ATP8A1: variants seen among roughly 807,000 people sequenced by gnomAD.
ATP8A1 encodes the protein phospholipid-transporting ATPase IA.
Under a neutral mutation model 177.7 loss-of-function variants are expected in ATP8A1, and 90 were observed. That is an observed-to-expected ratio of 0.51 (90% CI 0.43 to 0.60). The LOEUF (loss-of-function observed/expected upper bound fraction) is 0.60, where lower values mean the gene tolerates loss of function less well. Among genes scored for constraint, ATP8A1 ranks in the 20% least tolerant of loss-of-function variants. The pLI, the probability that ATP8A1 is intolerant of heterozygous loss-of-function variation, is 0.00. For missense variants in ATP8A1, 1,072 were observed against 1,392.8 expected (o/e 0.77, Z 3.67); for synonymous variants, 493 against 485.9 (o/e 1.01, Z -0.19).
At chr4:42,444,761 G>T in intron 31 of ATP8A1, 127 bp from the exon 32 acceptor site, 1 of 935,326 alleles carries the variant, frequency 1.1e-6, no homozygotes, top group Non-Finnish European at 1.6e-6. Context: ...TGCTTGCTTT[G>T]TATATCCAAC....
intron 1 of ATP8A1, among the ~76,000 whole-genome samples, chr4:42,639,477 C>A (rs1029434612): frequency 6.6e-6 from 1 of 152,098 alleles, no homozygotes. Flanking sequence ...CTTCAATCGT[C>A]TATCAAGGAT....
rs1166118745 is a variant in ATP8A1, at chr4:42,588,181, C to T, written c.594+79G>A. ...TGCAATAGGACAGATTAGTTCAAGA[C>T]AATAACACAAAGAAAGAAGCTCTTA... On this transcript the variant is annotated intron_variant, in intron 8 of 36. Coordinates refer to ENST00000381668, the MANE Select transcript of ATP8A1 (RefSeq NM_006095.2). 10 of 1,255,322 alleles carry T rather than the reference C, an allele frequency of 8.0e-6. No individual in the cohort carries two copies. In the Middle Eastern group the frequency reaches 5.7e-4, roughly 72 times the overall value. 77.8% of individuals were successfully genotyped at this position (1,255,322 alleles called of 1,614,324 possible).
intron 22 of ATP8A1, among the ~76,000 whole-genome samples, 179 bp downstream of exon 22, chr4:42,521,981 G>A (rs1324697767): frequency 6.6e-6 from 1 of 152,098 alleles, no homozygotes; most frequent in Non-Finnish European, 1.5e-5. Flanking sequence ...AACCCCAAAG[G>A]CTTCTCAGCA....
chr4:42,525,709 T>C (rs1033478411), intron 20 of ATP8A1, among the ~76,000 whole-genome samples: 2 of 152,174 alleles, frequency 1.3e-5, no homozygotes, highest in African/African-American at 4.8e-5. Flanking sequence ...ACCTTCACGG[T>C]TTTATTAGAC....
chr4:42,520,543 G>C (rs1299349984), intron 22 of ATP8A1, among the ~76,000 whole-genome samples: 1 of 152,104 alleles, frequency 6.6e-6, no homozygotes, highest in Non-Finnish European at 1.5e-5. Context: ...AGGAAATGGA[G>C]AGCGAGAAGG....
intron 18 of ATP8A1, 112 bp from the exon 19 acceptor site, chr4:42,549,174 T>G: frequency 1.2e-6 from 1 of 802,660 alleles, no homozygotes; most frequent in Non-Finnish European, 2.0e-6. Context: ...CAAACAAATT[T>G]TCCCTGCTGA....
intron 33 of ATP8A1, among the ~76,000 whole-genome samples, chr4:42,442,613 A>C (rs1716753312): frequency 6.6e-6 from 1 of 152,238 alleles, no homozygotes; most frequent in South Asian, 2.1e-4. Context: ...TAATAAATTT[A>C]ACCACAAATT....
chr4:42,541,272 A>C (rs969601944), intron 20 of ATP8A1, among the ~76,000 whole-genome samples: 9 of 152,352 alleles, frequency 5.9e-5, no homozygotes, highest in Middle Eastern at 3.4e-3. Context: ...CATATGAAAA[A>C]ATGTTCAACA....
At chr4:42,559,129 C>A (rs568775212) in intron 15 of ATP8A1, among the ~76,000 whole-genome samples, 1 of 152,160 alleles carries the variant, frequency 6.6e-6, no homozygotes, top group South Asian at 2.1e-4. Context: ...GGGGCTGCAG[C>A]GAGCTATGAT....
intron 35 of ATP8A1, among the ~76,000 whole-genome samples, chr4:42,418,229 G>A (rs1713465705): frequency 6.6e-6 from 1 of 152,082 alleles, no homozygotes; most frequent in South Asian, 2.1e-4. Flanking sequence ...CCAAACGGTA[G>A]TGCCAGGCAA....
chr4:42,493,394 CA>C (rs994630679), intron 24 of ATP8A1, among the ~76,000 whole-genome samples: 6 of 152,038 alleles, frequency 3.9e-5, no homozygotes, highest in Non-Finnish European at 8.8e-5. Context: ...AAAAGTTAAA[CA>C]GGAAATAATA....
intron 22 of ATP8A1, among the ~76,000 whole-genome samples, chr4:42,510,653 G>A (rs1724911665): frequency 6.6e-6 from 1 of 151,788 alleles, no homozygotes; most frequent in South Asian, 2.1e-4. Flanking sequence ...GCCAAGATAC[G>A]AACACATTCA....
intron 6 of ATP8A1, among the ~76,000 whole-genome samples, chr4:42,596,613 G>A (rs1299510893): frequency 6.8e-6 from 1 of 147,918 alleles, no homozygotes; most frequent in Non-Finnish European, 1.5e-5. Flanking sequence ...GTTGCAGTGA[G>A]CCGAGATTGC....
chr4:42,451,381 G>C (rs901525527), intron 30 of ATP8A1, among the ~76,000 whole-genome samples: 50 of 152,178 alleles, frequency 3.3e-4, no homozygotes, highest in Non-Finnish European at 2.9e-5. Context: ...CTCCAAGACA[G>C]AGCAGCACCA....
intron 14 of ATP8A1, among the ~76,000 whole-genome samples, chr4:42,572,220 T>C (rs920977333): frequency 2.6e-5 from 4 of 152,214 alleles, no homozygotes; most frequent in African/African-American, 9.6e-5. Context: ...AAAGTGCTCA[T>C]ACATAATAGT....
At chr4:42,519,706 C>T (rs1725914114) in intron 22 of ATP8A1, among the ~76,000 whole-genome samples, 1 of 152,194 alleles carries the variant, frequency 6.6e-6, no homozygotes, top group Admixed American at 6.5e-5. Flanking sequence ...AATCAGTCTT[C>T]ATTTGGAGCA....
At chr4:42,461,784 C>T (rs531315747) in intron 27 of ATP8A1, among the ~76,000 whole-genome samples, 9 of 152,178 alleles carry the variant, frequency 5.9e-5, no homozygotes, top group East Asian at 5.8e-4. Context: ...GACAAGAAAA[C>T]GTGCGAAAGT....
intron 20 of ATP8A1, among the ~76,000 whole-genome samples, chr4:42,539,488 A>ATAG (rs879830004): frequency 6.6e-6 from 1 of 151,996 alleles, no homozygotes; most frequent in Non-Finnish European, 1.5e-5. Flanking sequence ...CAGAGCCCAA[A>ATAG]TAGCTAAAAT....
At chr4:42,600,581 G>A (rs1035706430) in intron 5 of ATP8A1, 63 bp from the exon 6 acceptor site, 1 of 1,475,880 alleles carries the variant, frequency 6.8e-7, no homozygotes, top group Non-Finnish European at 9.2e-7. Flanking sequence ...CATTTCTGAT[G>A]AAATAATAAT....
Sources: allele counts gnomAD v4.1 joint callset (sites outside exome capture counted in the v4.1 genomes callset), GRCh38; gene constraint gnomAD v4.1.1; transcripts MANE v1.5; gene names NCBI Gene and HGNC (gene_info 2026-07-23, HGNC 2026-07-21).